Variants in RADIL observed in about 807,000 individuals in gnomAD.
RADIL encodes the protein Rap associating with DIL domain.
A neutral mutation model predicts 97.6 loss-of-function variants in RADIL; 99 were observed. The observed-to-expected ratio is 1.01, with a 90% CI of 0.86 to 1.20. The LOEUF is 1.20. Ranked by LOEUF, RADIL falls within the 50% of genes most tolerant of loss-of-function variation. The probability of loss-of-function intolerance (pLI) is 0.00; values close to 1 mark genes in which losing one functional copy is unlikely to be tolerated. For synonymous variants in RADIL, 803 were observed against 691.8 expected (o/e 1.16, Z -2.52); for missense variants, 1,765 against 1,498.9 (o/e 1.18, Z -2.93).
chr7:4,812,286 C>G (rs1782568203), intron 9 of RADIL, among the ~76,000 whole-genome samples: 4 of 152,164 alleles, frequency 2.6e-5, no homozygotes. Flanking sequence ...TCTAAATTGT[C>G]AAATTTATCA....
Position 4,834,821 on chromosome 7 carries a change from CG to C in RADIL, c.1201del (p.Arg401GlyfsTer22). ...AASPTQAALP[R>X]RQQLLLEFEP... ...AAACTCCAGGAGCAGCTGCTGGCGC[CG>C]GGGCAGGGCGGCCTGAGTAGGGGAG... On this transcript the variant is annotated frameshift_variant, in exon 4 of 15. Coordinates refer to ENST00000399583, the MANE Select transcript of RADIL (RefSeq NM_018059.5). LOFTEE classifies it high-confidence loss of function. This position sits in a 1 kb window ranked among gnomAD's most constrained non-coding sequence, Gnocchi z 6.0. 7.6e-7 allele frequency: 1 copy of C among 1,313,444 alleles called. No individual in the cohort carries two copies. The highest frequency in any genetic ancestry group is 2.4e-5 in the South Asian group (1 of 41,048). The allele number at this position is 1,313,444 out of a possible 1,614,324, so 81.4% of individuals were successfully genotyped here.
intron 11 of RADIL, among the ~76,000 whole-genome samples, chr7:4,802,846 G>A (rs1782152768): frequency 8.0e-6 from 1 of 124,554 alleles, no homozygotes; most frequent in Admixed American, 7.5e-5. Context: ...GGGAATGCTG[G>A]CTGGACCCCC....
Position 4,822,576 on chromosome 7 carries a change from G to C in RADIL, c.1455-22C>G, listed in dbSNP as rs1054152609. 1 of 1,608,886 alleles carries C rather than the reference G, an allele frequency of 6.2e-7. No homozygotes were observed. The highest frequency in any genetic ancestry group is 1.1e-5 in the South Asian group (1 of 90,460). ...CTGGCTACCAAGACAGAAAGACTAA[G>C]AGTTACGCGGGGACCCGACCCTCAG... On this transcript the variant is annotated intron_variant, in intron 5 of 14. Transcript: ENST00000399583. The surrounding 1 kb of genome is among the most constrained non-coding windows in gnomAD (Gnocchi z 5.3).
intron 2 of RADIL, among the ~76,000 whole-genome samples, chr7:4,869,307 A>T (rs1784201045): frequency 6.6e-6 from 1 of 151,784 alleles, no homozygotes; most frequent in Non-Finnish European, 1.5e-5. Context: ...TAATTTTCAT[A>T]TTTTTCTGTA....
At chr7:4,861,664 G>A (rs780322236) in intron 2 of RADIL, 2 of 1,600,496 alleles carry the variant, frequency 1.2e-6, no homozygotes, top group African/African-American at 2.7e-5. Flanking sequence ...AGACCCCGAA[G>A]GGCCTGAGGG....
chr7:4,800,037 A>G (rs1324913810), intron 13 of RADIL, 134 bp downstream of exon 13: 44 of 1,336,348 alleles, frequency 3.3e-5, no homozygotes, highest in Middle Eastern at 2.7e-4. Context: ...TCCCAGCTGC[A>G]GAGGCCAACC....
intron 11 of RADIL, among the ~76,000 whole-genome samples, chr7:4,802,354 G>A (rs1189457123): frequency 7.1e-6 from 1 of 141,394 alleles, no homozygotes; most frequent in African/African-American, 2.6e-5. Flanking sequence ...GGTACCTCGG[G>A]GCACGCTGGC....
rs1316376258 is a variant in RADIL, at chr7:4,814,282, C to T, written c.2139+996G>A. On this transcript the variant is annotated intron_variant, in intron 9 of 14. Transcript: ENST00000399583. This position sits in a 1 kb window ranked among gnomAD's most constrained non-coding sequence, Gnocchi z 4.5. ...CTGCCACACGTAGGATCCAGACAGC[C>T]TCATTTTACGAATTTTCTACAGTCA... Among the ~76,000 whole-genome samples the T allele has an allele frequency of 2.6e-5, 4 of 152,206 alleles. No homozygotes were observed. Among genetic ancestry groups the T allele is most frequent in the Admixed American group, 2.6e-4 (4 of 15,280 alleles).
chr7:4,806,762 C>T (rs545270378), intron 9 of RADIL, among the ~76,000 whole-genome samples: 1 of 152,364 alleles, frequency 6.6e-6, no homozygotes, highest in Non-Finnish European at 1.5e-5. Context: ...TCTTCACCTC[C>T]ACCCTGGACT....
chr7:4,820,545 A>AT (rs751725187), intron 6 of RADIL, among the ~76,000 whole-genome samples: 7 of 152,198 alleles, frequency 4.6e-5, no homozygotes, highest in Non-Finnish European at 8.8e-5. Flanking sequence ...CTACCCCCAC[A>AT]TATTGAAGGC....
Position 4,873,243 on chromosome 7 carries a change from C to G in RADIL, c.535+4362G>C, listed in dbSNP as rs1317050028. Among the ~76,000 whole-genome samples, 2 of 152,138 alleles carry G rather than the reference C, an allele frequency of 1.3e-5. No individual in the cohort carries two copies. The highest frequency in any genetic ancestry group is 2.1e-4 in the South Asian group (1 of 4,822). ...CCACCGCGCCCGGCCAAGTGTGACT[C>G]TTACCATAGGAGTAATGGGAAATTA... On this transcript the variant is annotated intron_variant, in intron 2 of 14. Coordinates refer to ENST00000399583, the MANE Select transcript of RADIL (RefSeq NM_018059.5). This position sits in a 1 kb window ranked among gnomAD's most constrained non-coding sequence, Gnocchi z 4.3.
chr7:4,809,408 T>C (rs1782470603), intron 9 of RADIL: 2 of 985,330 alleles, frequency 2.0e-6, no homozygotes, highest in Admixed American at 6.1e-5. Context: ...GTGTCGCTGC[T>C]GCCTCCTTTC....
chr7:4,802,227 G>A (rs1034927155), intron 11 of RADIL, among the ~76,000 whole-genome samples: 1 of 152,208 alleles, frequency 6.6e-6, no homozygotes, highest in Non-Finnish European at 1.5e-5. Flanking sequence ...GCTCCCGCCT[G>A]CTGCCCCCAG....
At chr7:4,844,881 G>T (rs1783531362) in intron 2 of RADIL, among the ~76,000 whole-genome samples, 1 of 152,090 alleles carries the variant, frequency 6.6e-6, no homozygotes. Context: ...TGGGATTACA[G>T]GTATGAGCCA....
intron 2 of RADIL, among the ~76,000 whole-genome samples, chr7:4,863,383 T>C (rs1275426170): frequency 6.6e-6 from 1 of 152,224 alleles, no homozygotes; most frequent in Admixed American, 6.5e-5. Flanking sequence ...GTATAGTTTG[T>C]TGTTATCCAA....
chr7:4,875,862 T>C (rs1032938256), intron 2 of RADIL, among the ~76,000 whole-genome samples: 1 of 152,026 alleles, frequency 6.6e-6, no homozygotes, highest in Non-Finnish European at 1.5e-5. Flanking sequence ...GATCGTGACA[T>C]GGCAGGGTCA....
chr7:4,841,515 C>G (rs1323525819), intron 2 of RADIL, among the ~76,000 whole-genome samples: 1 of 152,218 alleles, frequency 6.6e-6, no homozygotes. Flanking sequence ...TTCAGTCCTT[C>G]TCAGGATAAG....
At chr7:4,830,316 T>G (rs1002444939) in intron 5 of RADIL, among the ~76,000 whole-genome samples, 3 of 152,094 alleles carry the variant, frequency 2.0e-5, no homozygotes, top group Non-Finnish European at 4.4e-5. Context: ...AGCAGGTGTC[T>G]CTCTAGGGCC....
Position 4,817,709 on chromosome 7 carries a change from G to A in RADIL, c.1616-358C>T, listed in dbSNP as rs1233961250. Among the ~76,000 whole-genome samples the A allele has an allele frequency of 6.6e-6, 1 of 152,160 alleles. No individual in the cohort carries two copies. The highest frequency in any genetic ancestry group is 2.4e-5 in the African/African-American group (1 of 41,434). The stretch of plus-strand genomic sequence containing the variant: ...GCAGGTCCTAACTGCCTCCCCACAG[G>A]TCACCTCTCACTCGCGACACGGGTC... On this transcript the variant is annotated intron_variant, in intron 6 of 14. Coordinates refer to ENST00000399583, the MANE Select transcript of RADIL (RefSeq NM_018059.5). This position sits in a 1 kb window ranked among gnomAD's most constrained non-coding sequence, Gnocchi z 8.3.
Sources: allele counts gnomAD v4.1 joint callset (sites outside exome capture counted in the v4.1 genomes callset), GRCh38; gene constraint gnomAD v4.1.1; non-coding constraint Gnocchi (gnomAD v3.1); transcripts MANE v1.5; gene names NCBI Gene and HGNC (gene_info 2026-07-23, HGNC 2026-07-21).